PCNX4: variants seen among roughly 807,000 people sequenced by gnomAD.
PCNX4 encodes pecanex-like protein 4.
A neutral mutation model predicts 107.2 loss-of-function variants in PCNX4; 103 were observed. The observed-to-expected ratio is 0.96, with a 90% CI of 0.82 to 1.13. The LOEUF (loss-of-function observed/expected upper bound fraction) is 1.13, where lower values mean the gene tolerates loss of function less well. Ranked by LOEUF, PCNX4 falls within the 50% of genes most tolerant of loss-of-function variation. PCNX4 has a pLI of 0.00. For synonymous variants in PCNX4, 541 were observed against 481.7 expected, an observed-to-expected ratio of 1.12 and a Z score of -1.61; for missense variants, 1,528 against 1,379.4, an observed-to-expected ratio of 1.11 and a Z score of -1.71.
chr14:60,115,760 T>A lies in PCNX4; in HGVS notation c.1399T>A (p.Ser467Thr). 2 of 1,613,524 alleles carry A rather than the reference T, an allele frequency of 1.2e-6. No homozygotes were observed. The highest frequency in any genetic ancestry group is 1.7e-6 in the Non-Finnish European group (2 of 1,179,566). ...AMIAFLSLDS[S>T]LQGLHSVSVC... ...GATAGCATTTCTTTCATTGGACAGT[T>A]CCTTACAAGGGCTCCACTCAGTGTC... Residue 467 changes from serine to threonine, a missense_variant, in exon 5 of 11, where the codon TCC (serine) becomes ACC (threonine). Ser to Thr is a moderately conservative substitution (Grantham distance 58). Coordinates refer to ENST00000406854, the MANE Select transcript of PCNX4 (RefSeq NM_001330177.2).
Position 60,144,015 on chromosome 14 carries a change from T to G in PCNX4, c.*9794T>G, listed in dbSNP as rs751597603. On this transcript the variant is annotated 3_prime_UTR_variant, in exon 11 of 11. Transcript: ENST00000406854. ...CTTTGTGACCTTGACCTTGGAAAAG[T>G]AAAACCTTGTTGGTCTTTCTTCATC... 1 of 152,242 alleles carries G rather than the reference T, an allele frequency of 6.6e-6. No homozygotes were observed. Among genetic ancestry groups the G allele is most frequent in the Non-Finnish European group, 1.5e-5 (1 of 68,048 alleles). 9.4% of individuals were successfully genotyped at this position (152,242 alleles called of 1,614,324 possible).
intron 1 of PCNX4, among the ~76,000 whole-genome samples, chr14:60,103,821 A>G (rs1202030733): frequency 1.3e-5 from 2 of 152,030 alleles, no homozygotes; most frequent in East Asian, 3.9e-4. Flanking sequence ...ACACAGCCAT[A>G]TTTCTCCCTT....
At chr14:60,131,542 A>G (rs1896154587) in intron 10 of PCNX4, among the ~76,000 whole-genome samples, 1 of 152,248 alleles carries the variant, frequency 6.6e-6, no homozygotes, top group Non-Finnish European at 1.5e-5. Context: ...ACTACAAAAC[A>G]TTGTTAAAAG....
In PCNX4 at chr14:60,118,499, T is replaced by C; in HGVS notation, c.1749T>C (p.Ser583=). 6.2e-7 allele frequency: 1 copy of C among 1,613,804 alleles called. No individual in the cohort carries two copies. The highest frequency in any genetic ancestry group is 8.5e-7 in the Non-Finnish European group (1 of 1,179,850). The change falls in exon 7 of 11, where the codon TCT becomes TCC. Residue 583 remains serine, a synonymous_variant. Transcript: ENST00000406854. Reference sequence around the variant, plus strand: ...TCGTGTTGGTCATCATAGTTTTTTCTACACTACTCTCTTCTCCCTTACTCC... The same window carrying C: ...TCGTGTTGGTCATCATAGTTTTTTCCACACTACTCTCTTCTCCCTTACTCC... ...SPFVLVIIVF[S]TLLSSPLLPL...
chr14:60,120,729 T>C (rs541794632), intron 7 of PCNX4, among the ~76,000 whole-genome samples: 2 of 152,336 alleles, frequency 1.3e-5, no homozygotes, highest in South Asian at 4.1e-4. Flanking sequence ...AATAAAAGTA[T>C]TTAGAGAAAA....
At chr14:60,120,588 A>T (rs1030769097) in intron 7 of PCNX4, among the ~76,000 whole-genome samples, 1 of 152,226 alleles carries the variant, frequency 6.6e-6, no homozygotes, top group African/African-American at 2.4e-5. Context: ...TACAATAGTG[A>T]AAAGTTGGAA....
chr14:60,139,403 G>T lies in PCNX4; in HGVS notation c.*5182G>T, dbSNP rs539380168. On this transcript the variant is annotated 3_prime_UTR_variant, in exon 11 of 11. Transcript: ENST00000406854. ...GACAATTTGTAATGATAAAAGATTT[G>T]ATTCACCAGAAAGTTTCAACAGGTC... 6.6e-6 allele frequency: 1 copy of T among 152,136 alleles called. No individual in the cohort carries two copies. Among genetic ancestry groups the T allele is most frequent in the Non-Finnish European group, 1.5e-5 (1 of 67,916 alleles). 9.4% of individuals were successfully genotyped at this position (152,136 alleles called of 1,614,324 possible).
At chr14:60,129,951 TATG>T (rs879528741) in intron 10 of PCNX4, among the ~76,000 whole-genome samples, 13 of 152,054 alleles carry the variant, frequency 8.5e-5, no homozygotes, top group Admixed American at 2.6e-4. Flanking sequence ...ATAAAAAAGA[TATG>T]AGACAAAGAA....
intron 1 of PCNX4, among the ~76,000 whole-genome samples, chr14:60,100,615 A>G (rs1190575105): frequency 1.3e-5 from 2 of 152,144 alleles, no homozygotes. Context: ...ATATTCTTAA[A>G]CCATATTCAT....
chr14:60,114,721 T>C lies in PCNX4; in HGVS notation c.711T>C (p.Ala237=), dbSNP rs753889965. Residue 237 remains alanine (A), a synonymous_variant, in exon 3 of 11, where the codon GCT becomes GCC. Coordinates refer to ENST00000406854, the MANE Select transcript of PCNX4 (RefSeq NM_001330177.2). ...LAHRFVVNMP[A]LEHMNQILHI... ...ATAGGTTTGTGGTAAATATGCCAGC[T>C]CTAGAACACATGAATCAGATTTTAC... The C allele has an allele frequency of 1.9e-6, 3 of 1,613,524 alleles. No individual in the cohort carries two copies. Among genetic ancestry groups the C allele is most frequent in the East Asian group, 4.5e-5 (2 of 44,860 alleles).
chr14:60,133,818 G>T (rs1896197824), intron 10 of PCNX4, 152 bp from the exon 11 acceptor site: 1 of 737,900 alleles, frequency 1.4e-6, no homozygotes, highest in Non-Finnish European at 2.2e-6. Flanking sequence ...GGCAACTTGT[G>T]TACATTTTTA....
At chr14:60,108,496 C>A in intron 2 of PCNX4, 169 bp downstream of exon 2, 1 of 504,896 alleles carries the variant, frequency 2.0e-6, no homozygotes, top group Non-Finnish European at 3.4e-6. Flanking sequence ...CTCTGTAAAA[C>A]ATACTAAAGC....
intron 8 of PCNX4, among the ~76,000 whole-genome samples, chr14:60,122,472 C>G (rs1895973741): frequency 6.6e-6 from 1 of 151,946 alleles, no homozygotes; most frequent in African/African-American, 2.4e-5. Context: ...TCACCTAACT[C>G]CCTCCCTCAC....
At chr14:60,117,237 A>G (rs942388902) in intron 6 of PCNX4, among the ~76,000 whole-genome samples, 5 of 152,174 alleles carry the variant, frequency 3.3e-5, no homozygotes, top group African/African-American at 1.2e-4. Context: ...AGCAACTTCT[A>G]GTGCTGCAAG....
At position 60,124,670 on chromosome 14, in the gene PCNX4, C is replaced by CA. The variant is rs745968904; in HGVS notation, c.2505dup (p.Val836SerfsTer29). 63 of 1,613,092 alleles carry CA rather than the reference C, an allele frequency of 3.9e-5. No individual in the cohort carries two copies. The highest frequency in any genetic ancestry group is 4.7e-5 in the Non-Finnish European group (56 of 1,179,672). On this transcript the variant is annotated frameshift_variant, in exon 9 of 11. Transcript: ENST00000406854. LOFTEE classifies it high-confidence loss of function. The stretch of plus-strand genomic sequence containing the variant: ...ATATTTTTGATGATGAGCCAACTAT[C>CA]AAAAAAGTAATAGAAGAAAAACATC...
rs1351188972 is a variant in PCNX4, at chr14:60,136,305, CCT to C, written c.*2085_*2086del. 1 of 152,156 alleles carries C rather than the reference CCT, an allele frequency of 6.6e-6. No homozygotes were observed. Among genetic ancestry groups the C allele is most frequent in the Non-Finnish European group, 1.5e-5 (1 of 68,026 alleles). The allele number at this position is 152,156 out of a possible 1,614,324, so 9.4% of individuals were successfully genotyped here. Reference sequence around the variant, plus strand: ...CATCTTTGCTGCCTCTCCTCTTCTACCTGACCTCTAAATTTTAGAATTTCTCA... The same window carrying C: ...CATCTTTGCTGCCTCTCCTCTTCTACGACCTCTAAATTTTAGAATTTCTCA... On this transcript the variant is annotated 3_prime_UTR_variant, in exon 11 of 11. Transcript: ENST00000406854.
rs187235274 is a variant in PCNX4, at chr14:60,118,963, C to A, written c.1942+271C>A. On this transcript the variant is annotated intron_variant, in intron 7 of 10. Transcript: ENST00000406854. Reference sequence around the variant, plus strand: ...TTAAATACATTTTCTTGAATAAATTCAGATTACAATGCACCATCGAAACAT... The same window carrying A: ...TTAAATACATTTTCTTGAATAAATTAAGATTACAATGCACCATCGAAACAT... 2.9e-3 allele frequency among the ~76,000 whole-genome samples: 434 copies of A among 152,252 alleles called. 1 individual carries two copies. The highest frequency in any genetic ancestry group is 6.0e-3 in the South Asian group (29 of 4,820).
At chr14:60,098,728 C>T (rs1366796675) in intron 1 of PCNX4, among the ~76,000 whole-genome samples, 1 of 152,082 alleles carries the variant, frequency 6.6e-6, no homozygotes, top group Non-Finnish European at 1.5e-5. Flanking sequence ...CACCTGAGTT[C>T]AGGAGTTCAA....
chr14:60,104,776 T>A (rs7154547), intron 1 of PCNX4, among the ~76,000 whole-genome samples: 1,637 of 152,252 alleles, frequency 0.011, 31 homozygotes, highest in African/African-American at 0.038. Context: ...ACCCCCATGA[T>A]TCAATTATCT....
Sources: allele counts gnomAD v4.1 joint callset (sites outside exome capture counted in the v4.1 genomes callset), GRCh38; gene constraint gnomAD v4.1.1; transcripts MANE v1.5; gene names NCBI Gene and HGNC (gene_info 2026-07-23, HGNC 2026-07-21).